XYLB: variants seen among roughly 807,000 people sequenced by gnomAD.
XYLB encodes the protein xylulokinase.
XYLB carries 62 observed loss-of-function variants against 78.7 expected under a neutral mutation model. The observed-to-expected ratio is 0.79, with a 90% CI of 0.64 to 0.97. The LOEUF (loss-of-function observed/expected upper bound fraction) is 0.97. XYLB is among the 50% of genes least tolerant of loss of function. The pLI, the probability that XYLB is intolerant of heterozygous loss-of-function variation, is 0.00. For missense variants in XYLB, 687 were observed against 676.8 expected, an observed-to-expected ratio of 1.02 and a Z score of -0.17; for synonymous variants, 245 against 247.4, an observed-to-expected ratio of 0.99 and a Z score of 0.09.
chr3:38,373,885 A>T (rs1485857750), intron 10 of XYLB, among the ~76,000 whole-genome samples: 1 of 152,046 alleles, frequency 6.6e-6, no homozygotes, highest in Non-Finnish European at 1.5e-5. Flanking sequence ...CATGTGTGGT[A>T]GTGTGCACCT....
chr3:38,383,598 C>G (rs927688254), intron 15 of XYLB, among the ~76,000 whole-genome samples: 2 of 151,316 alleles, frequency 1.3e-5, no homozygotes, highest in African/African-American at 4.9e-5. Flanking sequence ...ACAGAGAGAC[C>G]ATATCTTCAC....
the XYLB span, among the ~76,000 whole-genome samples, chr3:38,435,058 C>T: frequency 6.6e-6 from 1 of 152,060 alleles, no homozygotes; most frequent in Non-Finnish European, 1.5e-5. Flanking sequence ...ATCACTTGAA[C>T]CCAGGAGGCA....
intron 2 of XYLB, among the ~76,000 whole-genome samples, chr3:38,350,720 A>G (rs2615630): frequency 0.96 from 146,466 of 152,158 alleles, 70,736 homozygotes; most frequent in East Asian, 1. Context: ...TTCTCTGTAA[A>G]CACAAATGCT....
Position 38,377,113 on chromosome 3 carries a change from T to C in XYLB, c.1194+122T>C. On this transcript the variant is annotated intron_variant, in intron 14 of 18. Coordinates refer to ENST00000207870, the MANE Select transcript of XYLB (RefSeq NM_005108.4). Reference sequence around the variant, plus strand: ...TTCATTCACTCATCCATTAATATCATACACACTTGTGGTGTGCCAGGGTGC... The same window carrying C: ...TTCATTCACTCATCCATTAATATCACACACACTTGTGGTGTGCCAGGGTGC... The C allele has an allele frequency of 2.3e-6, 2 of 879,256 alleles. 1 individual carries two copies. 54.5% of individuals were successfully genotyped at this position (879,256 alleles called of 1,614,324 possible). A position where few individuals can be genotyped will look rare whatever the true frequency, so the allele number is the denominator to read the frequency against.
In XYLB at chr3:38,407,994, G is replaced by A. The variant is rs1047667247; in HGVS notation, c.1534-4942G>A. 6.3e-3 allele frequency among the ~76,000 whole-genome samples: 952 copies of A among 152,190 alleles called. 9 individuals are homozygous for A. The highest frequency in any genetic ancestry group is 0.016 in the African/African-American group (668 of 41,538). ...GAACAACGAGACAGAAAGTTAACAAGGATACCCAGAAATTGAACTCAGCTC... is the reference window on the plus strand; with the variant it reads ...GAACAACGAGACAGAAAGTTAACAAAGATACCCAGAAATTGAACTCAGCTC... On this transcript the variant is annotated intron_variant, in intron 18 of 18. Coordinates refer to ENST00000207870, the MANE Select transcript of XYLB (RefSeq NM_005108.4).
chr3:38,374,608 G>A (rs994097589), intron 11 of XYLB, 106 bp downstream of exon 11: 3 of 1,453,094 alleles, frequency 2.1e-6, no homozygotes, highest in Admixed American at 2.0e-5. Flanking sequence ...AGGGTCCCAG[G>A]GTCTGGGTCC....
intron 1 of XYLB, 112 bp from the exon 2 acceptor site, chr3:38,348,438 T>C (rs1006364605): frequency 4.2e-6 from 4 of 942,898 alleles, no homozygotes; most frequent in Non-Finnish European, 6.7e-6. Flanking sequence ...AGGAGGTCTC[T>C]AGGTTGAACT....
chr3:38,446,165 C>A, the XYLB span, among the ~76,000 whole-genome samples: 1 of 152,114 alleles, frequency 6.6e-6, no homozygotes, highest in Non-Finnish European at 1.5e-5. Context: ...CCATATTGGT[C>A]CCCACCTATG....
downstream of XYLB, among the ~76,000 whole-genome samples, chr3:38,416,035 GA>G (rs1222795023): frequency 5.3e-5 from 8 of 152,184 alleles, no homozygotes; most frequent in African/African-American, 1.7e-4. Flanking sequence ...CAGCTTGGGG[GA>G]AACCACCCCC....
intron 3 of XYLB, among the ~76,000 whole-genome samples, chr3:38,361,356 C>T (rs1705961560): frequency 6.6e-6 from 1 of 152,210 alleles, no homozygotes; most frequent in Non-Finnish European, 1.5e-5. Context: ...GTGTGTCTTC[C>T]AAAAGCTTTT....
At position 38,412,388 on chromosome 3, in the gene XYLB, G is replaced by A. The variant is rs999313994; in HGVS notation, c.1534-548G>A. 2.6e-5 allele frequency among the ~76,000 whole-genome samples: 4 copies of A among 152,234 alleles called. No individual in the cohort carries two copies. The South Asian group carries it at 8.3e-4, about 32-fold the overall frequency. On this transcript the variant is annotated intron_variant, in intron 18 of 18. Coordinates refer to ENST00000207870, the MANE Select transcript of XYLB (RefSeq NM_005108.4). The stretch of plus-strand genomic sequence containing the variant: ...GAACTGCTGTATGGACTGCTACATG[G>A]TCTTCCATTGAGAGGAGCACCTCCT...
At chr3:38,447,570 C>T in the XYLB span, among the ~76,000 whole-genome samples, 37 of 151,446 alleles carry the variant, frequency 2.4e-4, 1 homozygote, top group Admixed American at 2.2e-3. Context: ...CCTCCCTCCT[C>T]GGCCTCCCAT....
the XYLB span, among the ~76,000 whole-genome samples, chr3:38,437,005 A>AAATAATAATAAT: frequency 4.9e-3 from 665 of 134,778 alleles, 5 homozygotes; most frequent in South Asian, 6.2e-3. Context: ...CTCCTTCTAA[A>AAATAATAATAAT]AATAATAATA....
Position 38,348,585 on chromosome 3 carries a change from C to T in XYLB, c.93C>T (p.Val31=). 6.2e-7 allele frequency: 1 copy of T among 1,614,136 alleles called. No homozygotes were observed. The highest frequency in any genetic ancestry group is 1.1e-5 in the South Asian group (1 of 91,082). ...KVVAVDAELN[V]FYEESVHFDR... is the part of the protein sequence containing the mutation. ...TTGCTGTTGATGCAGAGTTGAATGT[C>T]TTCTATGAGGAAAGTGTGCATTTTG... Residue 31 remains valine (V), a synonymous_variant, in exon 2 of 19, where the codon GTC becomes GTT. Coordinates refer to ENST00000207870, the MANE Select transcript of XYLB (RefSeq NM_005108.4).
the XYLB span, among the ~76,000 whole-genome samples, chr3:38,443,189 C>T: frequency 6.6e-6 from 1 of 152,128 alleles, no homozygotes; most frequent in Non-Finnish European, 1.5e-5. Flanking sequence ...ACTGAGAGGG[C>T]CGCACCAGTA....
chr3:38,376,223 G>A lies in XYLB; in HGVS notation c.1111G>A (p.Gly371Arg). ...ALQSTEMGNG[G>R]NLGFYFDVME... ...GCAGTCCACAGAGATGGGCAACGGT[G>A]GAAACCTGGGTAGGCCAGTTGGTGG... is the stretch of plus-strand genomic sequence containing the variant. Residue 371 changes from glycine to arginine, a missense_variant, in exon 13 of 19, where the codon GGA (glycine) becomes AGA (arginine). Physicochemically the swap from Gly to Arg is moderately radical, Grantham distance 125. Transcript: ENST00000207870. 1 of 1,611,434 alleles carries A rather than the reference G, an allele frequency of 6.2e-7. No individual in the cohort carries two copies. The highest frequency in any genetic ancestry group is 8.5e-7 in the Non-Finnish European group (1 of 1,177,522).
At chr3:38,359,791 T>G (rs563556721) in intron 2 of XYLB, among the ~76,000 whole-genome samples, 1 of 152,274 alleles carries the variant, frequency 6.6e-6, no homozygotes, top group East Asian at 1.9e-4. Flanking sequence ...AATAGCATCT[T>G]GGTGTGGATT....
At chr3:38,425,041 T>C (rs1377127670), downstream of XYLB, among the ~76,000 whole-genome samples, 4 of 152,238 alleles carry the variant, frequency 2.6e-5, no homozygotes, top group African/African-American at 9.6e-5. Flanking sequence ...ACTTGCCAAA[T>C]GGTGCATTCC....
At position 38,413,999 on chromosome 3, in the gene XYLB, C is replaced by T. The variant is rs1013761692; in HGVS notation, c.*986C>T. ...TATAGTGAGTTCCTTTTTCCTTCCT[C>T]TTTATCCCTCCTGTTTTACTTTATA... On this transcript the variant is annotated 3_prime_UTR_variant, in exon 19 of 19. Transcript: ENST00000207870. 1 of 152,172 alleles carries T rather than the reference C, an allele frequency of 6.6e-6. No individual in the cohort carries two copies. Among genetic ancestry groups the T allele is most frequent in the African/African-American group, 2.4e-5 (1 of 41,430 alleles). The allele number at this position is 152,172 out of a possible 1,614,324, so 9.4% of individuals were successfully genotyped here. A position where few individuals can be genotyped will look rare whatever the true frequency, so the allele number is the denominator to read the frequency against.
Sources: allele counts gnomAD v4.1 joint callset (sites outside exome capture counted in the v4.1 genomes callset), GRCh38; gene constraint gnomAD v4.1.1; transcripts MANE v1.5; gene names NCBI Gene and HGNC (gene_info 2026-07-23, HGNC 2026-07-21).